The following PHLPP2 variants were observed in gnomAD, a reference collection of about 807,000 sequenced individuals.
The protein encoded by PHLPP2 is PH domain and leucine rich repeat protein phosphatase 2, also known as PH domain leucine-rich repeat-containing protein phosphatase 2.
In PHLPP2, 66 loss-of-function variants were observed where a neutral mutation model predicts 124.9. The ratio of observed to expected loss-of-function variants is 0.53; its 90% CI spans 0.43 to 0.65. The LOEUF (loss-of-function observed/expected upper bound fraction) is 0.65, where lower values mean the gene tolerates loss of function less well. PHLPP2 is among the 30% of genes least tolerant of loss of function. The probability of loss-of-function intolerance (pLI) is 0.00; values close to 1 mark genes in which losing one functional copy is unlikely to be tolerated. For synonymous variants in PHLPP2, 681 were observed against 624.7 expected (o/e 1.09, Z -1.34); for missense variants, 1,685 against 1,600.4 (o/e 1.05, Z -0.90).
At chr16:71,650,099 T>A in intron 18 of PHLPP2, 55 bp from the exon 19 acceptor site, 1 of 1,371,458 alleles carries the variant, frequency 7.3e-7, no homozygotes, top group Non-Finnish European at 1.0e-6. Flanking sequence ...AGAGCCAACT[T>A]ATCTTTCTAG....
chr16:71,672,414 A>G, intron 9 of PHLPP2, 92 bp from the exon 10 acceptor site: 1 of 923,186 alleles, frequency 1.1e-6, no homozygotes, highest in Non-Finnish European at 1.7e-6. Context: ...TGAAATCACC[A>G]GAGAGAAAAC....
In PHLPP2 at chr16:71,649,033, G is replaced by C; in HGVS notation, c.3829C>G (p.Pro1277Ala). The change falls in exon 19 of 19, where the codon CCA becomes GCA. Residue 1277 changes from proline to alanine, a missense_variant. Coordinates refer to ENST00000568954, the MANE Select transcript of PHLPP2 (RefSeq NM_015020.3). ...GYFAAPTQME[P>A]EDQFVVPHDL... ...TGAGGCACAACAAACTGGTCCTCTG[G>C]TTCCATCTGAGTGGGGGCAGCAAAA... is the stretch of plus-strand genomic sequence containing the variant. The C allele has an allele frequency of 6.2e-7, 1 of 1,614,148 alleles. No homozygotes were observed. Among genetic ancestry groups the C allele is most frequent in the South Asian group, 1.1e-5 (1 of 91,076 alleles).
intron 8 of PHLPP2, chr16:71,677,313 T>G (rs1219443472): frequency 6.5e-6 from 1 of 153,200 alleles, no homozygotes; most frequent in Non-Finnish European, 1.5e-5. Flanking sequence ...TTTGAGTCAG[T>G]GAGTAGCAAA....
At chr16:71,684,643 A>T (rs770264939) in intron 4 of PHLPP2, 42 bp from the exon 5 acceptor site, 7 of 1,552,144 alleles carry the variant, frequency 4.5e-6, no homozygotes, top group African/African-American at 1.4e-5. Context: ...ACTAAAAAAA[A>T]AAATCCTAGT....
intron 3 of PHLPP2, among the ~76,000 whole-genome samples, chr16:71,701,711 C>A (rs1429927581): frequency 6.6e-6 from 1 of 151,676 alleles, no homozygotes; most frequent in Non-Finnish European, 1.5e-5. Context: ...CACCTGTGGT[C>A]TTGCTTTCCA....
rs540602325 is a variant in PHLPP2, at chr16:71,648,432, A to G, written c.*458T>C. ...AGAGCCAGCCCCTGATGGCTCTCAC[A>G]CTTTTTGGCTCCGAGTTCAACCCCA... On this transcript the variant is annotated 3_prime_UTR_variant, in exon 19 of 19. Coordinates refer to ENST00000568954, the MANE Select transcript of PHLPP2 (RefSeq NM_015020.3). 4.6e-4 allele frequency: 77 copies of G among 168,994 alleles called. No homozygotes were observed. The highest frequency in any genetic ancestry group is 4.2e-3 in the Admixed American group (76 of 18,204). The allele number at this position is 168,994 out of a possible 1,614,324, so 10.5% of individuals were successfully genotyped here. A position where few individuals can be genotyped will look rare whatever the true frequency, so the allele number is the denominator to read the frequency against.
At chr16:71,717,960 T>C (rs374233134) in intron 1 of PHLPP2, among the ~76,000 whole-genome samples, 2 of 152,202 alleles carry the variant, frequency 1.3e-5, no homozygotes, top group East Asian at 1.9e-4. Flanking sequence ...GGCGTGATCA[T>C]AGCCCACGGC....
At chr16:71,655,457 G>C (rs367989869) in intron 16 of PHLPP2, 23 bp from the exon 17 acceptor site, 4 of 1,509,042 alleles carry the variant, frequency 2.7e-6, no homozygotes, top group African/African-American at 2.8e-5. Flanking sequence ...CATGAAAACA[G>C]AAAACAGAAA....
intron 16 of PHLPP2, 72 bp downstream of exon 16, chr16:71,656,499 A>G: frequency 1.2e-6 from 1 of 806,626 alleles, no homozygotes. Context: ...AGCTATTATG[A>G]GCATCAGGCC....
chr16:71,650,977 C>A (rs1229115682), intron 18 of PHLPP2, among the ~76,000 whole-genome samples: 1 of 152,154 alleles, frequency 6.6e-6, no homozygotes, highest in African/African-American at 2.4e-5. Flanking sequence ...AATGGACAAA[C>A]AATAAATGCT....
At chr16:71,673,467 TTC>T (rs1031251608) in intron 9 of PHLPP2, among the ~76,000 whole-genome samples, 1 of 152,180 alleles carries the variant, frequency 6.6e-6, no homozygotes, top group African/African-American at 2.4e-5. Flanking sequence ...TTTAGATAAC[TTC>T]TTTTTGTAAA....
chr16:71,667,287 G>A lies in PHLPP2; in HGVS notation c.1675C>T (p.His559Tyr), dbSNP rs751465576. 3 of 1,613,396 alleles carry A rather than the reference G, an allele frequency of 1.9e-6. No individual in the cohort carries two copies. In the African/African-American group the frequency reaches 4.0e-5, roughly 22 times the overall value. Residue 559 changes from histidine to tyrosine, a missense_variant, in exon 12 of 19, where the codon CAT becomes TAT. Coordinates refer to ENST00000568954, the MANE Select transcript of PHLPP2 (RefSeq NM_015020.3). ...ACCAGTGTTGGAAGGTTTTGCACAT[G>A]ATTGTGTCCCAGCATCAGTTTTCTA... ...SLRKLMLGHN[H>Y]VQNLPTLVEH...
chr16:71,684,383 C>A, intron 5 of PHLPP2, 93 bp downstream of exon 5: 11 of 1,340,022 alleles, frequency 8.2e-6, no homozygotes, highest in Non-Finnish European at 1.2e-5. Flanking sequence ...ACCTCGGCCT[C>A]CCAAAGTGCT....
In PHLPP2 at chr16:71,669,377, AAAAT is replaced by A; in HGVS notation, c.1533-11_1533-8del. On this transcript the variant is annotated splice_region_variant and splice_polypyrimidine_tract_variant and intron_variant, in intron 10 of 18. Transcript: ENST00000568954. ...GACACACTCTAGCAGGTTTCTGCAG[AAAAT>A]AAATAATTAAATGGCACCATTTAAG... The A allele has an allele frequency of 6.3e-7, 1 of 1,588,676 alleles. No homozygotes were observed. The highest frequency in any genetic ancestry group is 1.1e-5 in the South Asian group (1 of 90,606).
At chr16:71,666,394 T>C (rs1332001531) in intron 12 of PHLPP2, among the ~76,000 whole-genome samples, 1 of 152,064 alleles carries the variant, frequency 6.6e-6, no homozygotes, top group Non-Finnish European at 1.5e-5. Flanking sequence ...ATCCCTGTGG[T>C]CCCAACTACT....
At position 71,652,780 on chromosome 16, in the gene PHLPP2, CG is replaced by C; in HGVS notation, c.2817+9del. On this transcript the variant is annotated intron_variant, in intron 18 of 18. Transcript: ENST00000568954. ...GGGAGCAGAAGTGACTGGCGGGGAG[CG>C]GAACACACCTCTGTGATGATGGCTT... 6.3e-7 allele frequency: 1 copy of C among 1,594,570 alleles called. No homozygotes were observed. The highest frequency in any genetic ancestry group is 8.6e-7 in the Non-Finnish European group (1 of 1,162,554).
intron 18 of PHLPP2, among the ~76,000 whole-genome samples, chr16:71,651,428 G>A (rs906797391): frequency 6.6e-6 from 1 of 152,074 alleles, no homozygotes; most frequent in Non-Finnish European, 1.5e-5. Context: ...GCCAGGCGCA[G>A]TGGCATGTGC....
intron 11 of PHLPP2, among the ~76,000 whole-genome samples, chr16:71,667,743 C>G (rs1351608500): frequency 6.6e-6 from 1 of 152,120 alleles, no homozygotes; most frequent in East Asian, 1.9e-4. Context: ...ATGTGCTAAG[C>G]CACTTAACAA....
chr16:71,717,917 G>A (rs1024179104), intron 1 of PHLPP2, among the ~76,000 whole-genome samples: 1 of 152,072 alleles, frequency 6.6e-6, no homozygotes, highest in African/African-American at 2.4e-5. Context: ...TTTGAGACAC[G>A]ATCTCGCTCT....
Sources: allele counts gnomAD v4.1 joint callset (sites outside exome capture counted in the v4.1 genomes callset), GRCh38; gene constraint gnomAD v4.1.1; transcripts MANE v1.5; gene names NCBI Gene and HGNC (gene_info 2026-07-23, HGNC 2026-07-21).